Variants in MAMDC2 observed in about 807,000 individuals in gnomAD.
MAMDC2 encodes the protein MAM domain-containing protein 2.
In MAMDC2, 57 loss-of-function variants were observed where a neutral mutation model predicts 89.8. The observed-to-expected ratio is 0.63, with a 90% CI of 0.51 to 0.79. The LOEUF (loss-of-function observed/expected upper bound fraction) is 0.79, where lower values mean the gene tolerates loss of function less well. Ranked by LOEUF, MAMDC2 falls within the 30% of genes least tolerant of loss-of-function variation. The pLI is 0.00. For missense variants in MAMDC2, 800 were observed against 820.6 expected, an observed-to-expected ratio of 0.97 and a Z score of 0.31; for synonymous variants, 313 against 293.4, an observed-to-expected ratio of 1.07 and a Z score of -0.68.
intron 7 of MAMDC2, among the ~76,000 whole-genome samples, chr9:70,137,558 C>T (rs537218978): frequency 6.6e-6 from 1 of 152,290 alleles, no homozygotes; most frequent in East Asian, 1.9e-4. Context: ...ATGCCTCTTT[C>T]ATCCACTTTA....
intron 11 of MAMDC2, among the ~76,000 whole-genome samples, chr9:70,187,061 G>A (rs548098767): frequency 6.0e-4 from 91 of 152,198 alleles, no homozygotes; most frequent in Non-Finnish European, 1.1e-3. Flanking sequence ...ATGCATGTGT[G>A]TAGTCTTCTT....
chr9:70,170,527 G>A lies in MAMDC2; in HGVS notation c.1547G>A (p.Cys516Tyr). ...PGECTFEQDE[C>Y]TFTQEKRNRS... is the part of the protein sequence containing the mutation. ...GAGTGTACTTTCGAGCAAGATGAAT[G>A]TACATTTACTCAGGAGAAAAGAAAC... The change falls in exon 11 of 14, where the codon TGT becomes TAT. Residue 516 changes from cysteine to tyrosine, a missense_variant. By Grantham distance (194) the Cys-to-Tyr change is radical. Transcript: ENST00000377182. The A allele has an allele frequency of 6.2e-7, 1 of 1,613,138 alleles. No individual in the cohort carries two copies. The highest frequency in any genetic ancestry group is 8.5e-7 in the Non-Finnish European group (1 of 1,179,816).
At chr9:70,165,039 T>C (rs1165100524) in intron 9 of MAMDC2, among the ~76,000 whole-genome samples, 1 of 151,702 alleles carries the variant, frequency 6.6e-6, no homozygotes, top group Non-Finnish European at 1.5e-5. Flanking sequence ...TTTTTTCTAG[T>C]CTTAGAGATG....
At chr9:70,052,475 G>A (rs1826932413) in intron 2 of MAMDC2, among the ~76,000 whole-genome samples, 1 of 152,008 alleles carries the variant, frequency 6.6e-6, no homozygotes, top group African/African-American at 2.4e-5. Context: ...ATGCTTTAAG[G>A]TCCAGCTTTT....
At chr9:70,099,029 G>T (rs1051851092) in intron 2 of MAMDC2, among the ~76,000 whole-genome samples, 1 of 152,048 alleles carries the variant, frequency 6.6e-6, no homozygotes, top group Non-Finnish European at 1.5e-5. Context: ...TATAATTAGC[G>T]ATTTATTAAA....
At chr9:70,069,813 A>C (rs1827361707) in intron 2 of MAMDC2, among the ~76,000 whole-genome samples, 1 of 152,204 alleles carries the variant, frequency 6.6e-6, no homozygotes, top group Non-Finnish European at 1.5e-5. Context: ...TTTCAGCCAG[A>C]AACATTTGTT....
At chr9:70,216,206 A>G (rs2033442485) in intron 11 of MAMDC2, 1 of 152,236 alleles carries the variant, frequency 6.6e-6, no homozygotes, top group Non-Finnish European at 1.5e-5. Context: ...AAATAAATCA[A>G]AATTGGCAAA....
In MAMDC2 at chr9:70,118,985, GACTAAAATA is replaced by G. The variant is rs1022091475; in HGVS notation, c.643+5855_643+5863del. On this transcript the variant is annotated intron_variant, in intron 5 of 13. Coordinates refer to ENST00000377182, the MANE Select transcript of MAMDC2 (RefSeq NM_153267.5). ...CAAATTAGTGTCTGATGATGGAAATGACTAAAATAATGTAGTAAGAATTGTGATAGGACA... is the reference window on the plus strand; with the variant it reads ...CAAATTAGTGTCTGATGATGGAAATGATGTAGTAAGAATTGTGATAGGACA... Among the ~76,000 whole-genome samples the G allele has an allele frequency of 7.6e-4, 116 of 152,290 alleles. 1 individual carries two copies. Among genetic ancestry groups the G allele is most frequent in the African/African-American group, 2.7e-3 (112 of 41,566 alleles).
At chr9:70,074,775 C>T (rs960823835) in intron 2 of MAMDC2, among the ~76,000 whole-genome samples, 1 of 152,162 alleles carries the variant, frequency 6.6e-6, no homozygotes, top group Non-Finnish European at 1.5e-5. Flanking sequence ...AGAGAGAGAT[C>T]CTGGAAGTAA....
chr9:70,215,446 A>G (rs2033426883), intron 11 of MAMDC2, among the ~76,000 whole-genome samples: 1 of 152,226 alleles, frequency 6.6e-6, no homozygotes, highest in South Asian at 2.1e-4. Context: ...AATGAGATGA[A>G]AAGTTGAAGT....
chr9:70,152,759 G>A (rs2031623835), intron 9 of MAMDC2, among the ~76,000 whole-genome samples: 1 of 152,156 alleles, frequency 6.6e-6, no homozygotes, highest in South Asian at 2.1e-4. Context: ...AGCTAGTTAT[G>A]TAACCTTCCT....
At chr9:70,196,926 G>A (rs998840446) in intron 11 of MAMDC2, among the ~76,000 whole-genome samples, 6 of 152,012 alleles carry the variant, frequency 3.9e-5, no homozygotes, top group African/African-American at 1.2e-4. Context: ...ATTATGAAAT[G>A]GTTCCACCAA....
At chr9:70,120,136 C>T (rs2030219531) in intron 5 of MAMDC2, among the ~76,000 whole-genome samples, 1 of 152,164 alleles carries the variant, frequency 6.6e-6, no homozygotes, top group Admixed American at 6.5e-5. Flanking sequence ...CCCCCTCAAA[C>T]TCTGGAAGTG....
chr9:70,195,098 G>T (rs2032951605), intron 11 of MAMDC2, among the ~76,000 whole-genome samples: 2 of 151,996 alleles, frequency 1.3e-5, no homozygotes, highest in Non-Finnish European at 2.9e-5. Context: ...ACTAAAAATG[G>T]AATCTATTTA....
At chr9:70,145,155 C>A (rs773780910) in intron 9 of MAMDC2, among the ~76,000 whole-genome samples, 34 of 152,170 alleles carry the variant, frequency 2.2e-4, no homozygotes, top group Non-Finnish European at 8.8e-5. Flanking sequence ...GAAACGGCTT[C>A]TTATTATTTG....
At chr9:70,148,619 G>C (rs1176923758) in intron 9 of MAMDC2, among the ~76,000 whole-genome samples, 1 of 150,298 alleles carries the variant, frequency 6.7e-6, no homozygotes, top group East Asian at 1.9e-4. Context: ...GGAGGGCCAG[G>C]CATGGTGGCT....
chr9:70,140,129 C>T lies in MAMDC2; in HGVS notation c.995-16C>T. ...ATCTTTGGGACTGTCATTAACTTTG[C>T]TTGTCCTTTGCTCAGAACTTCTGTT... On this transcript the variant is annotated splice_polypyrimidine_tract_variant and intron_variant, in intron 7 of 13. Coordinates refer to ENST00000377182, the MANE Select transcript of MAMDC2 (RefSeq NM_153267.5). 6.5e-7 allele frequency: 1 copy of T among 1,547,258 alleles called. No individual in the cohort carries two copies. Among genetic ancestry groups the T allele is most frequent in the Non-Finnish European group, 8.6e-7 (1 of 1,157,928 alleles).
At chr9:70,172,133 T>C (rs1349051113) in intron 11 of MAMDC2, 1 of 152,242 alleles carries the variant, frequency 6.6e-6, no homozygotes, top group Non-Finnish European at 1.5e-5. Flanking sequence ...CCCAGTCCTG[T>C]TGAGACATTA....
In MAMDC2 at chr9:70,212,433, C is replaced by T. The variant is rs915620044; in HGVS notation, c.1652-5904C>T. Among the ~76,000 whole-genome samples the T allele has an allele frequency of 5.3e-5, 8 of 152,316 alleles. No individual in the cohort carries two copies. The East Asian group carries it at 1.2e-3, about 22-fold the overall frequency. On this transcript the variant is annotated intron_variant, in intron 11 of 13. Coordinates refer to ENST00000377182, the MANE Select transcript of MAMDC2 (RefSeq NM_153267.5). ...GGTTTGGGACCCTCTGAGCCAGGCA[C>T]GGGATATAATCTCCTGGTGTGCCAT...
Sources: allele counts gnomAD v4.1 joint callset (sites outside exome capture counted in the v4.1 genomes callset), GRCh38; gene constraint gnomAD v4.1.1; transcripts MANE v1.5; gene names NCBI Gene and HGNC (gene_info 2026-07-23, HGNC 2026-07-21).